STPG2: variants seen among roughly 807,000 people sequenced by gnomAD.
STPG2 encodes sperm tail PG-rich repeat containing 2, also known as sperm-tail PG-rich repeat-containing protein 2.
Under a neutral mutation model 54.2 loss-of-function variants are expected in STPG2, and 56 were observed. The ratio of observed to expected loss-of-function variants is 1.03; its 90% CI spans 0.83 to 1.29. STPG2 has a LOEUF of 1.29. STPG2 is among the 50% of genes most tolerant of loss of function. The probability of loss-of-function intolerance (pLI) is 0.00; values close to 1 mark genes in which losing one functional copy is unlikely to be tolerated. For synonymous variants in STPG2, 200 were observed against 181.8 expected (o/e 1.10, Z -0.81); for missense variants, 596 against 544.9 (o/e 1.09, Z -0.93).
chr4:97,819,383 AAAAAGTG>A, intron 9 of STPG2, among the ~76,000 whole-genome samples: 1 of 152,132 alleles, frequency 6.6e-6, no homozygotes, highest in African/African-American at 2.4e-5. Flanking sequence ...ATGTTTATTG[AAAAAGTG>A]AGCAAAACTA....
intron 9 of STPG2, among the ~76,000 whole-genome samples, chr4:97,732,453 C>A (rs1724832633): frequency 6.6e-6 from 1 of 152,122 alleles, no homozygotes; most frequent in South Asian, 2.1e-4. Flanking sequence ...TGTCCATTCC[C>A]CAATTTATGT....
chr4:97,608,841 G>A (rs1289310524), intron 10 of STPG2, among the ~76,000 whole-genome samples: 6 of 151,952 alleles, frequency 3.9e-5, no homozygotes, highest in Admixed American at 2.6e-4. Context: ...GTTCTAAAAG[G>A]TTTTTTATGC....
intron 5 of STPG2, among the ~76,000 whole-genome samples, chr4:98,094,202 T>A (rs889195191): frequency 1.3e-5 from 2 of 152,102 alleles, no homozygotes; most frequent in Admixed American, 6.5e-5. Context: ...GATAGAGTAT[T>A]GAGCAGAGTT....
intron 5 of STPG2, among the ~76,000 whole-genome samples, chr4:98,024,366 T>C (rs1736342209): frequency 6.6e-6 from 1 of 152,218 alleles, no homozygotes; most frequent in Admixed American, 6.5e-5. Context: ...AGAGTGTGGA[T>C]AGCTACCCAA....
intron 9 of STPG2, among the ~76,000 whole-genome samples, chr4:97,765,082 G>T (rs978560645): frequency 6.6e-6 from 1 of 152,020 alleles, no homozygotes; most frequent in Non-Finnish European, 1.5e-5. Flanking sequence ...AAATTACCTG[G>T]TGTATAATAC....
At chr4:97,963,530 C>T (rs1733970701) in intron 7 of STPG2, among the ~76,000 whole-genome samples, 1 of 151,898 alleles carries the variant, frequency 6.6e-6, no homozygotes, top group Admixed American at 6.6e-5. Flanking sequence ...CGGCCCATGC[C>T]TGTGGTCCCA....
Position 97,536,494 on chromosome 4 carries a change from C to G in STPG2, c.462+176205G>C, listed in dbSNP as rs147518430. Among the ~76,000 whole-genome samples, 629 of 152,244 alleles carry G rather than the reference C, an allele frequency of 4.1e-3. 3 individuals carry two copies. The highest frequency in any genetic ancestry group is 0.02 in the South Asian group (97 of 4,822). On this transcript the variant is annotated intron_variant, in intron 4 of 4. Transcript: ENST00000522676. ...CATCTTCTACCATGATTGTAAGTTT[C>G]CTAAGGCCTCCCCAGCCATGCAGAA...
chr4:97,779,539 T>C (rs1350177220), intron 9 of STPG2, among the ~76,000 whole-genome samples: 1 of 152,110 alleles, frequency 6.6e-6, no homozygotes, highest in Non-Finnish European at 1.5e-5. Context: ...TTCCCCAACC[T>C]AGCAAGGCAG....
intron 9 of STPG2, among the ~76,000 whole-genome samples, chr4:97,812,353 A>C (rs1727766558): frequency 6.6e-6 from 1 of 152,128 alleles, no homozygotes; most frequent in Non-Finnish European, 1.5e-5. Context: ...CAGACAGATT[A>C]GGACTATTCT....
In STPG2 at chr4:97,524,426, G is replaced by A. The variant is rs1422755132; in HGVS notation, c.462+188273C>T. Among the ~76,000 whole-genome samples the A allele has an allele frequency of 2.0e-5, 3 of 152,004 alleles. No individual in the cohort carries two copies. In the East Asian group the frequency reaches 5.8e-4, roughly 29 times the overall value. Reference sequence around the variant, plus strand: ...GAAAGCAAATTTAAAATATCTTGATGAGCAGGATTCATTTGCTGTTTTATT... The same window carrying A: ...GAAAGCAAATTTAAAATATCTTGATAAGCAGGATTCATTTGCTGTTTTATT... On this transcript the variant is annotated intron_variant, in intron 4 of 4. Transcript: ENST00000522676.
intron 9 of STPG2, among the ~76,000 whole-genome samples, chr4:97,806,785 CT>C (rs1447926561): frequency 2.6e-5 from 4 of 152,076 alleles, no homozygotes; most frequent in Non-Finnish European, 2.9e-5. Flanking sequence ...CTTTGCACTT[CT>C]TTATGCTCTT....
chr4:97,940,072 C>G (rs547915641), intron 8 of STPG2, among the ~76,000 whole-genome samples: 1 of 152,152 alleles, frequency 6.6e-6, no homozygotes, highest in Admixed American at 6.5e-5. Flanking sequence ...CTTAACTTAG[C>G]TGGATATAAA....
At chr4:97,811,620 A>C (rs1467793326) in intron 9 of STPG2, among the ~76,000 whole-genome samples, 1 of 151,944 alleles carries the variant, frequency 6.6e-6, no homozygotes, top group African/African-American at 2.4e-5. Context: ...ACTGCTTCTA[A>C]TATTACACTT....
chr4:98,014,409 G>T (rs1386503571), intron 5 of STPG2, among the ~76,000 whole-genome samples: 1 of 151,916 alleles, frequency 6.6e-6, no homozygotes, highest in East Asian at 1.9e-4. Context: ...CCTCTTCATG[G>T]GTCATGCCAG....
At chr4:98,067,221 G>C (rs1737862009) in intron 5 of STPG2, among the ~76,000 whole-genome samples, 1 of 152,176 alleles carries the variant, frequency 6.6e-6, no homozygotes, top group South Asian at 2.1e-4. Context: ...TTATTAGAGA[G>C]AGGTAGGCTT....
intron 9 of STPG2, among the ~76,000 whole-genome samples, chr4:97,735,608 T>C (rs13129143): frequency 6.8e-6 from 1 of 146,784 alleles, no homozygotes; most frequent in African/African-American, 2.5e-5. Context: ...TTTATATTTA[T>C]ACATTTATAT....
intron 10 of STPG2, among the ~76,000 whole-genome samples, chr4:97,625,794 T>G (rs769951053): frequency 6.6e-6 from 1 of 152,198 alleles, no homozygotes; most frequent in Non-Finnish European, 1.5e-5. Flanking sequence ...TGGAGATGAC[T>G]AGAGTGATAA....
chr4:97,882,721 T>C (rs13108871), intron 8 of STPG2, among the ~76,000 whole-genome samples: 63,495 of 151,776 alleles, frequency 0.42, 13,612 homozygotes, highest in African/African-American at 0.51. Context: ...TGAAAAAACA[T>C]GAAACTAGCA....
intron 9 of STPG2, among the ~76,000 whole-genome samples, chr4:97,726,542 T>G (rs1165875772): frequency 6.6e-6 from 1 of 151,904 alleles, no homozygotes; most frequent in Non-Finnish European, 1.5e-5. Context: ...AGTGACAAAA[T>G]TTAAGCAACT....
Sources: allele counts gnomAD v4.1 joint callset (sites outside exome capture counted in the v4.1 genomes callset), GRCh38; gene constraint gnomAD v4.1.1; transcripts MANE v1.5; gene names NCBI Gene and HGNC (gene_info 2026-07-23, HGNC 2026-07-21).